The following MYH11 variants were observed in gnomAD, a reference collection of about 807,000 sequenced individuals.
MYH11 encodes the protein myosin-11.
In MYH11, 80 loss-of-function variants were observed where a neutral mutation model predicts 246.6. That is an observed-to-expected ratio of 0.32 (90% confidence interval 0.27 to 0.39). The LOEUF is 0.39. Among genes scored for constraint, MYH11 ranks in the 10% least tolerant of loss-of-function variants. The probability of loss-of-function intolerance (pLI) is 1.00; values close to 1 mark genes in which losing one functional copy is unlikely to be tolerated. For missense variants in MYH11, 2,158 were observed against 2,546.8 expected (o/e 0.85, Z 3.29); for synonymous variants, 1,071 against 1,015.5 (o/e 1.05, Z -1.04).
intron 10 of MYH11, among the ~76,000 whole-genome samples, chr16:15,762,070 G>A (rs1190630382): frequency 1.3e-5 from 2 of 152,228 alleles, no homozygotes; most frequent in Non-Finnish European, 2.9e-5. Flanking sequence ...CGCCTCCTGC[G>A]TTCAAGCAGT....
At chr16:15,718,712 C>T (rs2040304118) in intron 36 of MYH11, 1 of 549,182 alleles carries the variant, frequency 1.8e-6, no homozygotes, top group Non-Finnish European at 3.3e-6. Flanking sequence ...CACACAGCTA[C>T]TTATTGGGAA....
intron 2 of MYH11, among the ~76,000 whole-genome samples, chr16:15,827,996 T>C (rs905445271): frequency 6.6e-6 from 1 of 152,182 alleles, no homozygotes; most frequent in Non-Finnish European, 1.5e-5. Context: ...GCCACGCCCC[T>C]TTTGAATGTA....
chr16:15,710,242 G>T (rs377127833), intron 40 of MYH11, among the ~76,000 whole-genome samples: 2 of 152,304 alleles, frequency 1.3e-5, no homozygotes, highest in African/African-American at 4.8e-5. Context: ...CACTGGGCCG[G>T]CCGGGCATGG....
chr16:15,792,888 C>T lies in MYH11; in HGVS notation c.530+5772G>A, dbSNP rs137978669. Among the ~76,000 whole-genome samples, 583 of 152,268 alleles carry T rather than the reference C, an allele frequency of 3.8e-3. 3 individuals are homozygous for T. The highest frequency in any genetic ancestry group is 0.013 in the African/African-American group (547 of 41,566). On this transcript the variant is annotated intron_variant, in intron 4 of 40. Transcript: ENST00000300036. ...AAGTAGCTGGGACTACAGGCACATGCCATCACGCTCAGCTAATTTTTGTTT... is the reference window on the plus strand; with the variant it reads ...AAGTAGCTGGGACTACAGGCACATGTCATCACGCTCAGCTAATTTTTGTTT...
rs1407411472 is a variant in MYH11 at position 15,720,690 on chromosome 16, G to A, written c.4791+149C>T. 1.5e-4 allele frequency: 128 copies of A among 879,520 alleles called. 2 individuals are homozygous for A. Among genetic ancestry groups the A allele is most frequent in the South Asian group, 9.8e-4 (67 of 68,190 alleles). The allele number at this position is 879,520 out of a possible 1,614,324, so 54.5% of individuals were successfully genotyped here. A position where few individuals can be genotyped will look rare whatever the true frequency, so the allele number is the denominator to read the frequency against. On this transcript the variant is annotated intron_variant, in intron 33 of 40. Coordinates refer to ENST00000300036, the MANE Select transcript of MYH11 (RefSeq NM_002474.3). The stretch of plus-strand genomic sequence containing the variant: ...GGAGGTTGCAGTGAGCTGAGATTAC[G>A]CCACTGCACTCCAGCCTGGGCGACA...
intron 40 of MYH11, among the ~76,000 whole-genome samples, chr16:15,706,065 A>G (rs1038467006): frequency 5.3e-5 from 8 of 150,970 alleles, no homozygotes; most frequent in African/African-American, 1.9e-4. Flanking sequence ...CCTTTTGTTG[A>G]CAGAGGATGG....
intron 27 of MYH11, among the ~76,000 whole-genome samples, chr16:15,729,243 A>T (rs547871611): frequency 6.6e-6 from 1 of 152,104 alleles, no homozygotes; most frequent in South Asian, 2.1e-4. Context: ...TGGGGAGCCC[A>T]GGTAGGAGCT....
chr16:15,733,369 G>A (rs1298671600), intron 26 of MYH11, among the ~76,000 whole-genome samples: 1 of 152,148 alleles, frequency 6.6e-6, no homozygotes, highest in African/African-American at 2.4e-5. Flanking sequence ...AAGTAGCTGG[G>A]ATTACAGGTG....
intron 13 of MYH11, among the ~76,000 whole-genome samples, chr16:15,757,533 A>AG (rs2041758974): frequency 7.0e-6 from 1 of 141,866 alleles, no homozygotes; most frequent in Admixed American, 7.0e-5. Flanking sequence ...AAAAAAAAAA[A>AG]GCAATGGCAG....
At chr16:15,852,692 C>A (rs1171820034) in intron 1 of MYH11, among the ~76,000 whole-genome samples, 1 of 152,072 alleles carries the variant, frequency 6.6e-6, no homozygotes, top group Non-Finnish European at 1.5e-5. Context: ...GATACGCATG[C>A]CCTTTAACTC....
intron 40 of MYH11, chr16:15,712,895 TGA>T (rs2039897517): frequency 2.0e-5 from 3 of 148,856 alleles, no homozygotes; most frequent in Non-Finnish European, 1.5e-5. Context: ...TTTTTTTTTT[TGA>T]GACCGAGTCT....
intron 4 of MYH11, among the ~76,000 whole-genome samples, chr16:15,788,327 T>C (rs528260020): frequency 6.6e-6 from 1 of 151,872 alleles, no homozygotes; most frequent in Non-Finnish European, 1.5e-5. Flanking sequence ...GCTCACTTAA[T>C]ACTCTAAAAT....
At position 15,738,551 on chromosome 16, in the gene MYH11, G is replaced by C; in HGVS notation, c.3121+14C>G. On this transcript the variant is annotated intron_variant, in intron 24 of 40. Transcript: ENST00000300036. ...AAAATAAAATAAAAATAAATCTCTT[G>C]GTAGCTGGTTTACCTTCCAGTTCTG... is the stretch of plus-strand genomic sequence containing the variant. 6.2e-7 allele frequency: 1 copy of C among 1,603,772 alleles called. No individual in the cohort carries two copies. Among genetic ancestry groups the C allele is most frequent in the East Asian group, 2.2e-5 (1 of 44,626 alleles).
At chr16:15,752,558 A>G (rs1331246059) in intron 15 of MYH11, among the ~76,000 whole-genome samples, 1 of 152,154 alleles carries the variant, frequency 6.6e-6, no homozygotes, top group African/African-American at 2.4e-5. Context: ...ATCTTAGGGT[A>G]GGCCCAGCCA....
chr16:15,845,707 TGAGA>T (rs139852565), intron 1 of MYH11, among the ~76,000 whole-genome samples: 1 of 103,342 alleles, frequency 9.7e-6, no homozygotes. Flanking sequence ...TGTGTGTGTG[TGAGA>T]GAGAGAGAGA....
At chr16:15,711,363 G>C (rs900184796) in intron 40 of MYH11, 1 of 152,136 alleles carries the variant, frequency 6.6e-6, no homozygotes, top group Non-Finnish European at 1.5e-5. Flanking sequence ...GCTAATGGCT[G>C]TTGTCACTCC....
intron 33 of MYH11, 52 bp downstream of exon 33, chr16:15,720,787 A>G: frequency 6.4e-7 from 1 of 1,568,318 alleles, no homozygotes; most frequent in Non-Finnish European, 8.8e-7. Context: ...TGGTGATAGG[A>G]ATGAAAAAGG....
At position 15,732,676 on chromosome 16, in the gene MYH11, T is replaced by C. The variant is rs189791138; in HGVS notation, c.3539A>G (p.Lys1180Arg). The change falls in exon 27 of 41, where the codon AAG becomes AGG. Residue 1180 changes from lysine to arginine, a missense_variant. Coordinates refer to ENST00000300036, the MANE Select transcript of MYH11 (RefSeq NM_002474.3). ...CCGCGTCTCTTCATCCAGGGCCTTCTTCAGCACCGTCACCTCCTGCTCCCT... is the reference window on the plus strand; with the variant it reads ...CCGCGTCTCTTCATCCAGGGCCTTCCTCAGCACCGTCACCTCCTGCTCCCT... The part of the protein sequence containing the change: ...AKREQEVTVL[K>R]KALDEETRSH... The C allele has an allele frequency of 6.2e-7, 1 of 1,614,242 alleles. No homozygotes were observed. Among genetic ancestry groups the C allele is most frequent in the East Asian group, 2.2e-5 (1 of 44,870 alleles).
Position 15,732,567 on chromosome 16 carries a change from C to T in MYH11, c.3648G>A (p.Lys1216=). The T allele has an allele frequency of 6.2e-7, 1 of 1,614,272 alleles. No individual in the cohort carries two copies. The highest frequency in any genetic ancestry group is 8.5e-7 in the Non-Finnish European group (1 of 1,180,046). Residue 1216 remains lysine, a synonymous_variant, in exon 27 of 41, where the codon AAG becomes AAA. Transcript: ENST00000300036. ...EELTEQLEQF[K]RAKANLDKNK... is the part of the protein sequence containing the mutation. ...AAGCATCACCAAAAAGCATTACCCT[C>T]TTGAACTGCTCAAGCTGCTCTGTGA... is the stretch of plus-strand genomic sequence containing the variant.
Sources: gnomAD v4.1 joint callset for allele counts (sites outside exome capture counted in the v4.1 genomes callset) on GRCh38, gnomAD v4.1.1 for gene constraint, MANE v1.5 for transcripts, NCBI Gene and HGNC (gene_info 2026-07-23, HGNC 2026-07-21) for gene names.